GABRB3: variants seen among roughly 807,000 people sequenced by gnomAD.
GABRB3 encodes gamma-aminobutyric acid receptor subunit beta-3.
GABRB3 carries 14 observed loss-of-function variants against 52.1 expected under a neutral mutation model. That is an observed-to-expected ratio of 0.27 (90% confidence interval 0.18 to 0.42). The LOEUF is 0.42. Ranked by LOEUF, GABRB3 falls within the 10% of genes least tolerant of loss-of-function variation. The pLI is 1.00. For missense variants in GABRB3, 307 were observed against 609.1 expected (o/e 0.50, Z 5.22); for synonymous variants, 260 against 232.3 (o/e 1.12, Z -1.08).
At chr15:26,711,940 G>C (rs752852913) in intron 3 of GABRB3, among the ~76,000 whole-genome samples, 19 of 152,214 alleles carry the variant, frequency 1.2e-4, no homozygotes, top group Non-Finnish European at 2.4e-4. Flanking sequence ...TGAGGAGAAG[G>C]CATTTTAGTA....
At chr15:26,604,575 A>G (rs534343352) in intron 4 of GABRB3, among the ~76,000 whole-genome samples, 1 of 152,280 alleles carries the variant, frequency 6.6e-6, no homozygotes, top group African/African-American at 2.4e-5. Context: ...AGACATACAG[A>G]CCAACAGAAT....
chr15:26,749,331 T>C (rs1890437522), intron 3 of GABRB3, among the ~76,000 whole-genome samples: 2 of 152,156 alleles, frequency 1.3e-5, no homozygotes. Flanking sequence ...AGTGATTTAG[T>C]GTTATCTTTC....
intron 3 of GABRB3, among the ~76,000 whole-genome samples, chr15:26,703,435 G>A (rs28680456): frequency 0.023 from 3,483 of 152,192 alleles, 133 homozygotes; most frequent in African/African-American, 0.08. Flanking sequence ...CAGCACCTGA[G>A]GACTCATTCA....
upstream of GABRB3, chr15:26,773,721 A>C: frequency 6.4e-7 from 1 of 1,565,908 alleles, no homozygotes; most frequent in Non-Finnish European, 8.7e-7. Context: ...AGCCCGGAGC[A>C]CATGGCGCTG....
At chr15:26,611,610 A>C (rs542326053) in intron 4 of GABRB3, among the ~76,000 whole-genome samples, 3 of 152,340 alleles carry the variant, frequency 2.0e-5, no homozygotes, top group Non-Finnish European at 2.9e-5. Context: ...TTACTTAAAA[A>C]ACAGAAAATG....
At position 26,764,170 on chromosome 15, in the gene GABRB3, AAAAAAAAAAATATATATATATATATATAT is replaced by A. The variant is rs1413346422; in HGVS notation, c.240+8203_240+8231del. ...GTCTCAAAAAAAAAAAAAAAAAAAA[AAAAAAAAAAATATATATATATATATATAT>A]ATATATATATATATATATATATATA... On this transcript the variant is annotated intron_variant, in intron 3 of 8. Coordinates refer to ENST00000311550, the MANE Select transcript of GABRB3 (RefSeq NM_000814.6). Among the ~76,000 whole-genome samples the A allele has an allele frequency of 7.6e-3, 171 of 22,430 alleles. 15 individuals carry two copies. The highest frequency in any genetic ancestry group is 0.012 in the Non-Finnish European group (137 of 11,484). The allele number at this position is 22,430 out of a possible 152,430, so 14.7% of individuals were successfully genotyped here. A position where few individuals can be genotyped will look rare whatever the true frequency, so the allele number is the denominator to read the frequency against.
chr15:26,763,773 C>T (rs1454195083), intron 3 of GABRB3, among the ~76,000 whole-genome samples: 2 of 152,040 alleles, frequency 1.3e-5, no homozygotes, highest in African/African-American at 4.8e-5. Context: ...ATATTTTATA[C>T]ATATATGGCA....
chr15:26,761,394 C>A (rs1438611113), intron 3 of GABRB3, among the ~76,000 whole-genome samples: 2 of 146,050 alleles, frequency 1.4e-5, no homozygotes, highest in African/African-American at 5.0e-5. Flanking sequence ...GACTCCATCT[C>A]AAAAAAAAAA....
intron 4 of GABRB3, among the ~76,000 whole-genome samples, chr15:26,593,981 AAT>A (rs61218096): frequency 0.18 from 23,521 of 133,738 alleles, 2,893 homozygotes; most frequent in African/African-American, 0.35. Flanking sequence ...CTCATTTTAA[AAT>A]ATATATATAT....
chr15:26,679,575 TCACAATATC>T (rs1888174588), intron 3 of GABRB3, among the ~76,000 whole-genome samples: 1 of 152,128 alleles, frequency 6.6e-6, no homozygotes, highest in Non-Finnish European at 1.5e-5. Flanking sequence ...TTTTTGATGA[TCACAATATC>T]TTAAGTTAAA....
intron 4 of GABRB3, among the ~76,000 whole-genome samples, chr15:26,609,822 G>A (rs1369650653): frequency 6.6e-6 from 1 of 152,138 alleles, no homozygotes; most frequent in African/African-American, 2.4e-5. Flanking sequence ...ATACTAGCTA[G>A]CTAGATAAAT....
intron 5 of GABRB3, among the ~76,000 whole-genome samples, chr15:26,582,548 G>A (rs1428292180): frequency 6.6e-6 from 1 of 151,740 alleles, no homozygotes. Context: ...GGGTGGAAGT[G>A]AGGGGCACCA....
chr15:26,683,282 A>T (rs1400329017), intron 3 of GABRB3, among the ~76,000 whole-genome samples: 1 of 152,034 alleles, frequency 6.6e-6, no homozygotes, highest in Non-Finnish European at 1.5e-5. Flanking sequence ...AAGACAGCAT[A>T]TGTGAGCTGG....
intron 4 of GABRB3, among the ~76,000 whole-genome samples, chr15:26,609,899 G>A (rs1296606548): frequency 1.3e-5 from 2 of 152,122 alleles, no homozygotes; most frequent in African/African-American, 4.8e-5. Context: ...GTTGTTGACA[G>A]TTTCTTTTGA....
chr15:26,604,547 T>C (rs1280213464), intron 4 of GABRB3, among the ~76,000 whole-genome samples: 1 of 152,056 alleles, frequency 6.6e-6, no homozygotes, highest in African/African-American at 2.4e-5. Flanking sequence ...CAAAACAGAA[T>C]AGTACTGGCA....
intron 3 of GABRB3, among the ~76,000 whole-genome samples, chr15:26,688,996 G>A (rs550417986): frequency 6.6e-6 from 1 of 152,310 alleles, no homozygotes; most frequent in East Asian, 1.9e-4. Context: ...TCTTTTAAAA[G>A]GTTCACAGAG....
At chr15:26,706,230 G>T (rs1889096519) in intron 3 of GABRB3, among the ~76,000 whole-genome samples, 1 of 152,114 alleles carries the variant, frequency 6.6e-6, no homozygotes, top group African/African-American at 2.4e-5. Flanking sequence ...CACAAAAATT[G>T]AACCTGGCAC....
intron 5 of GABRB3, among the ~76,000 whole-genome samples, chr15:26,581,638 C>A (rs1476946838): frequency 1.3e-5 from 2 of 152,190 alleles, no homozygotes; most frequent in African/African-American, 2.4e-5. Context: ...CAGCTCAGAC[C>A]AGCGTGCTCT....
At chr15:26,556,693 G>A (rs1174866571) in intron 8 of GABRB3, among the ~76,000 whole-genome samples, 1 of 103,368 alleles carries the variant, frequency 9.7e-6, no homozygotes, top group African/African-American at 2.7e-5. Context: ...AAGCATTCAT[G>A]AATCAATTAT....
Sources: allele counts gnomAD v4.1 joint callset (sites outside exome capture counted in the v4.1 genomes callset), GRCh38; gene constraint gnomAD v4.1.1; transcripts MANE v1.5; gene names NCBI Gene and HGNC (gene_info 2026-07-23, HGNC 2026-07-21).